The following CDH13 variants were observed in gnomAD, a reference collection of about 807,000 sequenced individuals.
CDH13 encodes cadherin-13.
CDH13 carries 24 observed loss-of-function variants against 63.8 expected under a neutral mutation model. The ratio of observed to expected loss-of-function variants is 0.38; its 90% confidence interval spans 0.27 to 0.53. The LOEUF is 0.53. Among genes scored for constraint, CDH13 ranks in the 20% least tolerant of loss-of-function variants. The probability of loss-of-function intolerance (pLI) is 0.85; values close to 1 mark genes in which losing one functional copy is unlikely to be tolerated. For synonymous variants in CDH13, 503 were observed against 355.3 expected (o/e 1.42, Z -4.67); for missense variants, 1,049 against 903.1 (o/e 1.16, Z -2.07).
chr16:83,006,919 TG>T (rs1400850868), intron 2 of CDH13, among the ~76,000 whole-genome samples: 19 of 124,994 alleles, frequency 1.5e-4, no homozygotes, highest in African/African-American at 5.3e-4. Context: ...TTTGTTTGTT[TG>T]TTTGTTTGTT....
intron 6 of CDH13, among the ~76,000 whole-genome samples, chr16:83,421,554 T>C (rs893139215): frequency 2.6e-5 from 4 of 151,988 alleles, no homozygotes; most frequent in African/African-American, 9.7e-5. Context: ...GAGATGAGAG[T>C]GGGCAATGGA....
In CDH13 at chr16:82,822,979, C is replaced by T. The variant is rs188406663; in HGVS notation, c.46-35383C>T. On this transcript the variant is annotated intron_variant, in intron 1 of 13. Transcript: ENST00000567109. ...CTCGCTCATAGACCTGGGTGTGGAA[C>T]AGAGAGACAAACCTCTGAGGGTTGA... is the stretch of plus-strand genomic sequence containing the variant. Among the ~76,000 whole-genome samples, 293 of 152,214 alleles carry T rather than the reference C, an allele frequency of 1.9e-3. 4 individuals carry two copies. The highest frequency in any genetic ancestry group is 6.0e-4 in the Non-Finnish European group (41 of 68,012).
intron 6 of CDH13, among the ~76,000 whole-genome samples, chr16:83,345,898 G>A (rs1033550532): frequency 6.6e-6 from 1 of 152,152 alleles, no homozygotes; most frequent in African/African-American, 2.4e-5. Flanking sequence ...GACAGGAGAT[G>A]AGAGCGGCTT....
intron 5 of CDH13, among the ~76,000 whole-genome samples, chr16:83,329,053 G>A (rs776450172): frequency 2.0e-5 from 3 of 152,114 alleles, no homozygotes; most frequent in African/African-American, 4.8e-5. Context: ...AATAAAATGA[G>A]GCATCTTGAG....
chr16:83,415,352 T>A (rs548197367), intron 6 of CDH13, among the ~76,000 whole-genome samples: 1 of 152,334 alleles, frequency 6.6e-6, no homozygotes, highest in African/African-American at 2.4e-5. Context: ...AAAGAATTGA[T>A]GAGAATCCTT....
chr16:83,009,643 C>G (rs1913914759), intron 2 of CDH13, among the ~76,000 whole-genome samples: 2 of 152,250 alleles, frequency 1.3e-5, no homozygotes, highest in East Asian at 3.9e-4. Context: ...TATTTAATAG[C>G]TGTTCTTTTT....
rs115151677 is a variant in CDH13, at chr16:82,708,047, G to T, written c.45+80910G>T. On this transcript the variant is annotated intron_variant, in intron 1 of 13. Transcript: ENST00000567109. ...TTTTCCTTCCAGCTGTTGCTCAGAC[G>T]TCACCTTGGGCATGGTCCTTGTCTG... 6.5e-3 allele frequency among the ~76,000 whole-genome samples: 987 copies of T among 152,186 alleles called. 8 individuals carry two copies. The highest frequency in any genetic ancestry group is 0.022 in the African/African-American group (910 of 41,542).
chr16:82,949,680 T>C (rs2151321222), intron 2 of CDH13, among the ~76,000 whole-genome samples: 1 of 151,654 alleles, frequency 6.6e-6, no homozygotes, highest in East Asian at 1.9e-4. Context: ...CAGAGAAAAC[T>C]TTTTTTTTAT....
At chr16:82,981,202 C>G (rs1353728434) in intron 2 of CDH13, among the ~76,000 whole-genome samples, 4 of 152,198 alleles carry the variant, frequency 2.6e-5, no homozygotes, top group African/African-American at 9.6e-5. Context: ...TAAACTTCCA[C>G]TTTCCGTTTC....
rs750393768 is a variant in CDH13 at position 83,047,674 on chromosome 16, C to T, written c.366+15456C>T. 6.6e-6 allele frequency among the ~76,000 whole-genome samples: 1 copy of T among 152,188 alleles called. No homozygotes were observed. Among genetic ancestry groups the T allele is most frequent in the Non-Finnish European group, 1.5e-5 (1 of 68,042 alleles). On this transcript the variant is annotated intron_variant, in intron 3 of 13. Transcript: ENST00000567109. The surrounding 1 kb of genome is among the most constrained non-coding windows in gnomAD (Gnocchi z 4.9). ...TTCGTTGCTATAAATCTAGCACTTA[C>T]AATATCTGGCTGTGAATAAATAATT... is the stretch of plus-strand genomic sequence containing the variant.
At chr16:83,738,031 A>T (rs1026149088) in intron 10 of CDH13, among the ~76,000 whole-genome samples, 1 of 152,252 alleles carries the variant, frequency 6.6e-6, no homozygotes, top group African/African-American at 2.4e-5. Context: ...TGATCAATGA[A>T]TGTGCGCTTC....
chr16:83,234,554 A>G (rs773282139), intron 5 of CDH13, among the ~76,000 whole-genome samples: 1 of 152,168 alleles, frequency 6.6e-6, no homozygotes, highest in African/African-American at 2.4e-5. Flanking sequence ...CTAAACAACA[A>G]CAGCTAGGCT....
chr16:82,692,341 G>T (rs1186119390), intron 1 of CDH13, among the ~76,000 whole-genome samples: 3 of 152,206 alleles, frequency 2.0e-5, no homozygotes, highest in African/African-American at 7.2e-5. Flanking sequence ...ATTTATAAAG[G>T]AAAGAGGATT....
chr16:82,752,800 C>T (rs750783454), intron 1 of CDH13, among the ~76,000 whole-genome samples: 6 of 152,164 alleles, frequency 3.9e-5, no homozygotes, highest in African/African-American at 9.7e-5. Context: ...GATATCAATA[C>T]CTCCACCGTG....
chr16:83,221,748 G>A lies in CDH13; in HGVS notation c.636+4251G>A, dbSNP rs570711030. On this transcript the variant is annotated intron_variant, in intron 5 of 13. Coordinates refer to ENST00000567109, the MANE Select transcript of CDH13 (RefSeq NM_001257.5). Reference sequence around the variant, plus strand: ...CCATGGTAGCAGGCAGGTGTCCTTGGCAGGAGACCTTCACACTGATCTGTT... The same window carrying A: ...CCATGGTAGCAGGCAGGTGTCCTTGACAGGAGACCTTCACACTGATCTGTT... Among the ~76,000 whole-genome samples, 61 of 152,218 alleles carry A rather than the reference G, an allele frequency of 4.0e-4. No homozygotes were observed. In the South Asian group the frequency reaches 0.012, roughly 30 times the overall value.
intron 6 of CDH13, among the ~76,000 whole-genome samples, chr16:83,387,519 T>G (rs534286204): frequency 6.6e-6 from 1 of 152,234 alleles, no homozygotes; most frequent in African/African-American, 2.4e-5. Flanking sequence ...AGTTAAAAAT[T>G]TAAAGTAAAT....
chr16:83,013,553 G>A (rs1402842745), intron 2 of CDH13, among the ~76,000 whole-genome samples: 1 of 152,196 alleles, frequency 6.6e-6, no homozygotes, highest in Non-Finnish European at 1.5e-5. Context: ...GTGGGATTAA[G>A]AGCCTCAGGA....
At chr16:82,721,286 A>G (rs1182790313) in intron 1 of CDH13, among the ~76,000 whole-genome samples, 1 of 152,196 alleles carries the variant, frequency 6.6e-6, no homozygotes, top group African/African-American at 2.4e-5. Flanking sequence ...GCAATGTACC[A>G]TGATCTAGTA....
intron 1 of CDH13, chr16:82,723,216 C>T (rs1029119590): frequency 6.6e-6 from 1 of 152,226 alleles, no homozygotes; most frequent in Non-Finnish European, 1.5e-5. Flanking sequence ...TGTAATGTAT[C>T]TCCTTAAATC....
Sources: gnomAD v4.1 joint callset for allele counts (sites outside exome capture counted in the v4.1 genomes callset) on GRCh38, gnomAD v4.1.1 for gene constraint, Gnocchi (gnomAD v3.1) non-coding constraint, MANE v1.5 for transcripts, NCBI Gene and HGNC (gene_info 2026-07-23, HGNC 2026-07-21) for gene names.